Variants in CLIP4 observed in about 807,000 individuals in gnomAD.
CLIP4 encodes CAP-Gly domain containing linker protein family member 4, also known as CAP-Gly domain-containing linker protein 4.
In CLIP4, 47 loss-of-function variants were observed where a neutral mutation model predicts 73.1. That is an observed-to-expected ratio of 0.64 (90% confidence interval 0.51 to 0.82). The LOEUF (loss-of-function observed/expected upper bound fraction) is 0.82, where lower values mean the gene tolerates loss of function less well. Ranked by LOEUF, CLIP4 falls within the 40% of genes least tolerant of loss-of-function variation. The probability of loss-of-function intolerance (pLI) is 0.00; values close to 1 mark genes in which losing one functional copy is unlikely to be tolerated. For missense variants in CLIP4, 874 were observed against 852.9 expected (o/e 1.02, Z -0.31); for synonymous variants, 306 against 295.4 (o/e 1.04, Z -0.37).
chr2:29,149,728 TA>T (rs10532407), intron 8 of CLIP4, among the ~76,000 whole-genome samples: 98,876 of 144,400 alleles, frequency 0.68, 33,559 homozygotes, highest in East Asian at 0.75. Context: ...CTTTGGCTAA[TA>T]AAAAAAAAAA....
rs139700569 is a variant in CLIP4 at position 29,156,374 on chromosome 2, G to T, written c.1186G>T (p.Asp396Tyr). 1.0e-5 allele frequency: 16 copies of T among 1,574,008 alleles called. No homozygotes were observed. The highest frequency in any genetic ancestry group is 1.4e-5 in the Non-Finnish European group (16 of 1,169,886). The change falls in exon 10 of 16, where the codon GAT becomes TAT. Residue 396 changes from aspartate (D) to tyrosine (Y), a missense_variant. Physicochemically the swap from Asp to Tyr is radical, Grantham distance 160 (BLOSUM62 -3). Coordinates refer to ENST00000320081, the MANE Select transcript of CLIP4 (RefSeq NM_024692.6). ...CCAAGGATTAATGACATCAAAAAAAGATAGTGCTTCTGAGTCAACACTTTC... is the reference window on the plus strand; with the variant it reads ...CCAAGGATTAATGACATCAAAAAAATATAGTGCTTCTGAGTCAACACTTTC... Reference protein sequence around the residue: ...VNTGLMTSKKDSASESTLSLP... With the variant: ...VNTGLMTSKKYSASESTLSLP...
Position 29,143,965 on chromosome 2 carries a change from T to G in CLIP4, c.885+20T>G. 6.3e-7 allele frequency: 1 copy of G among 1,595,632 alleles called. No homozygotes were observed. The highest frequency in any genetic ancestry group is 8.6e-7 in the Non-Finnish European group (1 of 1,163,448). Reference sequence around the variant, plus strand: ...CAGAAGGTACAGTAAGTAACTGCAATCTCTGAAGCCAGGGTTGTTATGTCC... The same window carrying G: ...CAGAAGGTACAGTAAGTAACTGCAAGCTCTGAAGCCAGGGTTGTTATGTCC... On this transcript the variant is annotated intron_variant, in intron 7 of 15. Coordinates refer to ENST00000320081, the MANE Select transcript of CLIP4 (RefSeq NM_024692.6).
intron 1 of CLIP4, among the ~76,000 whole-genome samples, chr2:29,108,209 G>C (rs1223808107): frequency 6.6e-6 from 1 of 152,138 alleles, no homozygotes; most frequent in Admixed American, 6.5e-5. Flanking sequence ...CACAGTAAGA[G>C]ATTAATAATA....
chr2:29,155,424 AC>A (rs1381484681), intron 9 of CLIP4, among the ~76,000 whole-genome samples: 5 of 152,074 alleles, frequency 3.3e-5, no homozygotes, highest in Non-Finnish European at 7.4e-5. Flanking sequence ...ACACACACAC[AC>A]AAGAGTACAA....
intron 9 of CLIP4, among the ~76,000 whole-genome samples, chr2:29,153,533 A>G (rs1027876361): frequency 1.3e-5 from 2 of 151,876 alleles, no homozygotes; most frequent in Non-Finnish European, 2.9e-5. Flanking sequence ...GTTATTTGTT[A>G]TCTTGGGTTT....
intron 9 of CLIP4, among the ~76,000 whole-genome samples, chr2:29,154,502 T>C (rs532959976): frequency 6.6e-6 from 1 of 152,194 alleles, no homozygotes; most frequent in Admixed American, 6.5e-5. Context: ...CATTGGTTTT[T>C]CTTCTGTTTT....
intron 6 of CLIP4, among the ~76,000 whole-genome samples, chr2:29,141,248 G>C (rs1324952096): frequency 6.6e-6 from 1 of 152,056 alleles, no homozygotes; most frequent in African/African-American, 2.4e-5. Flanking sequence ...TATGACCATG[G>C]TCAATCTTTG....
chr2:29,164,696 A>T (rs1310127587), intron 13 of CLIP4, among the ~76,000 whole-genome samples: 5 of 152,180 alleles, frequency 3.3e-5, no homozygotes, highest in Non-Finnish European at 7.3e-5. Flanking sequence ...TAGACCTACG[A>T]TCGCAATCTG....
chr2:29,152,539 T>G, intron 8 of CLIP4, 146 bp from the exon 9 acceptor site: 1 of 711,266 alleles, frequency 1.4e-6, no homozygotes, highest in African/African-American at 1.8e-5. Flanking sequence ...AAGTACTGTG[T>G]CTTACATTTT....
chr2:29,156,821 A>C (rs1666954943), intron 10 of CLIP4, among the ~76,000 whole-genome samples: 1 of 151,936 alleles, frequency 6.6e-6, no homozygotes, highest in South Asian at 2.1e-4. Context: ...ATGTCTTAAT[A>C]TTAAACTTTT....
intron 8 of CLIP4, among the ~76,000 whole-genome samples, chr2:29,152,196 T>C (rs1404830347): frequency 2.0e-5 from 3 of 152,180 alleles, no homozygotes; most frequent in African/African-American, 7.2e-5. Flanking sequence ...TAATGTGGGA[T>C]AAATATAACT....
In CLIP4 at chr2:29,167,540, G is replaced by T. The variant is rs1394766680; in HGVS notation, c.1723G>T (p.Gly575Cys). ...SSNKQNHSYP[G>C]FRRSFSTTSA... Reference sequence around the variant, plus strand: ...AAATAAACAGAACCATTCTTATCCTGGTAAGACTACACAGTTTTGTGTTCC... The same window carrying T: ...AAATAAACAGAACCATTCTTATCCTTGTAAGACTACACAGTTTTGTGTTCC... The change falls in exon 14 of 16, where the codon GGT becomes TGT. Residue 575 changes from glycine to cysteine, a missense_variant and splice_region_variant. Transcript: ENST00000320081. 1 of 1,596,292 alleles carries T rather than the reference G, an allele frequency of 6.3e-7. No homozygotes were observed. Among genetic ancestry groups the T allele is most frequent in the Admixed American group, 1.7e-5 (1 of 57,252 alleles).
rs577507010 is a variant in CLIP4, at chr2:29,180,834, A to ATATG, written c.1797-732_1797-729dup. Among the ~76,000 whole-genome samples the ATATG allele has an allele frequency of 2.6e-3, 341 of 132,572 alleles. 1 individual carries two copies. Among genetic ancestry groups the ATATG allele is most frequent in the African/African-American group, 8.5e-3 (320 of 37,448 alleles). The allele number at this position is 132,572 out of a possible 152,430, so 87.0% of individuals were successfully genotyped here. A position where few individuals can be genotyped will look rare whatever the true frequency, so the allele number is the denominator to read the frequency against. On this transcript the variant is annotated intron_variant, in intron 15 of 15. Coordinates refer to ENST00000320081, the MANE Select transcript of CLIP4 (RefSeq NM_024692.6). Reference sequence around the variant, plus strand: ...AATTGCTATTTTACTGAAAGCATATATATGTATGTGTGTGTGTGTGTGTGT... The same window carrying ATATG: ...AATTGCTATTTTACTGAAAGCATATATATGTATGTATGTGTGTGTGTGTGTGTGT...
intron 1 of CLIP4, among the ~76,000 whole-genome samples, chr2:29,119,414 C>T (rs1664103117): frequency 1.3e-5 from 2 of 152,020 alleles, no homozygotes; most frequent in Non-Finnish European, 2.9e-5. Flanking sequence ...GAATGGGAGA[C>T]TCCACCCTTT....
rs975256176 is a variant in CLIP4 at position 29,171,431 on chromosome 2, C to T, written c.1724-2942C>T. On this transcript the variant is annotated intron_variant, in intron 14 of 15. Transcript: ENST00000320081. ...AACTTTCTTTTGGTTAAGTATTTGCCGAATATATCTTTTTCTGTCCATTGA... is the reference window on the plus strand; with the variant it reads ...AACTTTCTTTTGGTTAAGTATTTGCTGAATATATCTTTTTCTGTCCATTGA... 1.2e-4 allele frequency among the ~76,000 whole-genome samples: 18 copies of T among 151,852 alleles called. No homozygotes were observed. In the East Asian group the frequency reaches 1.5e-3, roughly 13 times the overall value.
At chr2:29,105,105 C>T (rs932594992) in intron 1 of CLIP4, among the ~76,000 whole-genome samples, 3 of 152,122 alleles carry the variant, frequency 2.0e-5, no homozygotes, top group Non-Finnish European at 4.4e-5. Flanking sequence ...TGCTAGGCTG[C>T]AATGTGTTTA....
intron 2 of CLIP4, among the ~76,000 whole-genome samples, chr2:29,122,318 C>T (rs1664310900): frequency 6.6e-6 from 1 of 151,352 alleles, no homozygotes; most frequent in East Asian, 1.9e-4. Flanking sequence ...AAAACCTGTG[C>T]CTTGATCTTG....
chr2:29,110,908 T>G (rs145370340), upstream of CLIP4, among the ~76,000 whole-genome samples: 533 of 152,228 alleles, frequency 3.5e-3, 1 homozygote, highest in African/African-American at 0.012. Context: ...AGGTTGGTCT[T>G]GAACCCCTGG....
Position 29,165,254 on chromosome 2 carries a change from C to A in CLIP4, c.1658+1300C>A, listed in dbSNP as rs1399234590. 1.6e-4 allele frequency among the ~76,000 whole-genome samples: 13 copies of A among 83,194 alleles called. No homozygotes were observed. The Admixed American group carries it at 1.9e-3, about 12-fold the overall frequency. 54.6% of individuals were successfully genotyped at this position (83,194 alleles called of 152,430 possible). On this transcript the variant is annotated intron_variant, in intron 13 of 15. Coordinates refer to ENST00000320081, the MANE Select transcript of CLIP4 (RefSeq NM_024692.6). ...CTTGCTTTTAGATGGTTTGTTCTTT[C>A]TTTCTTTCTTTTTTTTTTGTATTTG... is the stretch of plus-strand genomic sequence containing the variant.
Sources: allele counts gnomAD v4.1 joint callset (sites outside exome capture counted in the v4.1 genomes callset), GRCh38; gene constraint gnomAD v4.1.1; transcripts MANE v1.5; gene names NCBI Gene and HGNC (gene_info 2026-07-23, HGNC 2026-07-21).